TANC2: variants seen among roughly 807,000 people sequenced by gnomAD.
TANC2 encodes the protein tetratricopeptide repeat, ankyrin repeat and coiled-coil containing 2.
TANC2 carries 26 observed loss-of-function variants against 210.5 expected under a neutral mutation model. That is an observed-to-expected ratio of 0.12 (90% CI 0.09 to 0.17). The LOEUF (loss-of-function observed/expected upper bound fraction) is 0.17. Ranked by LOEUF, TANC2 falls within the 10% of genes least tolerant of loss-of-function variation. The probability of loss-of-function intolerance (pLI) is 1.00; values close to 1 mark genes in which losing one functional copy is unlikely to be tolerated. For synonymous variants in TANC2, 931 were observed against 967.1 expected (o/e 0.96, Z 0.69); for missense variants, 2,129 against 2,608.9 (o/e 0.82, Z 4.01).
chr17:63,338,940 T>G (rs1195242679), intron 11 of TANC2: 3 of 152,244 alleles, frequency 2.0e-5, no homozygotes, highest in African/African-American at 7.2e-5. Flanking sequence ...GCAGAGCTCT[T>G]TAGTAGATGA....
At chr17:63,194,802 T>C (rs1173642741) in intron 6 of TANC2, among the ~76,000 whole-genome samples, 1 of 152,068 alleles carries the variant, frequency 6.6e-6, no homozygotes, top group East Asian at 1.9e-4. Flanking sequence ...TAAGTATCCG[T>C]CTCAGAAAGT....
chr17:63,264,164 A>G (rs1029015163), intron 8 of TANC2, among the ~76,000 whole-genome samples: 1 of 152,248 alleles, frequency 6.6e-6, no homozygotes, highest in African/African-American at 2.4e-5. Flanking sequence ...CCAGTTCTAC[A>G]AACACATTTT....
intron 8 of TANC2, among the ~76,000 whole-genome samples, chr17:63,261,949 T>C (rs971235159): frequency 6.6e-6 from 1 of 152,220 alleles, no homozygotes; most frequent in Non-Finnish European, 1.5e-5. Flanking sequence ...ACACTATCCA[T>C]CTCTGGCTAT....
At chr17:63,013,295 A>G (rs171309) in intron 2 of TANC2, among the ~76,000 whole-genome samples, 8,055 of 151,760 alleles carry the variant, frequency 0.053, 306 homozygotes, top group African/African-American at 0.11. Flanking sequence ...TTCTTTCAGT[A>G]TTTTACAACG....
intron 11 of TANC2, among the ~76,000 whole-genome samples, chr17:63,334,533 CAA>C (rs977862592): frequency 2.4e-4 from 37 of 152,078 alleles, no homozygotes; most frequent in Admixed American, 4.6e-4. Flanking sequence ...TAGAAAGAAA[CAA>C]AGAGGGGAAT....
chr17:63,234,397 A>G (rs2042563724), intron 7 of TANC2, among the ~76,000 whole-genome samples: 1 of 152,208 alleles, frequency 6.6e-6, no homozygotes, highest in South Asian at 2.1e-4. Context: ...TATCATTGGT[A>G]ACAATATTTT....
Position 63,290,436 on chromosome 17 carries a change from A to G in TANC2, c.1159+22563A>G, listed in dbSNP as rs556004357. ...CCTCTTATGGATCCTGGAATTGTTGAATTTTTAGTCTGTTCAGGTTTTTAC... is the reference window on the plus strand; with the variant it reads ...CCTCTTATGGATCCTGGAATTGTTGGATTTTTAGTCTGTTCAGGTTTTTAC... On this transcript the variant is annotated intron_variant, in intron 9 of 27. Transcript: ENST00000689528. 7.8e-4 allele frequency among the ~76,000 whole-genome samples: 118 copies of G among 152,064 alleles called. 2 individuals are homozygous for G. The highest frequency in any genetic ancestry group is 2.7e-3 in the African/African-American group (111 of 41,458).
intron 14 of TANC2, among the ~76,000 whole-genome samples, chr17:63,366,620 T>C (rs1230598775): frequency 2.0e-5 from 3 of 152,204 alleles, no homozygotes; most frequent in African/African-American, 7.2e-5. Context: ...AGTAGGAAGA[T>C]GTGAGGCAAA....
At chr17:63,041,245 C>T (rs1328096420) in intron 2 of TANC2, among the ~76,000 whole-genome samples, 1 of 151,992 alleles carries the variant, frequency 6.6e-6, no homozygotes, top group Non-Finnish European at 1.5e-5. Flanking sequence ...TATCGAATAA[C>T]ACAAAAGAGT....
At chr17:63,164,559 T>A (rs1283372401) in intron 5 of TANC2, among the ~76,000 whole-genome samples, 1 of 152,100 alleles carries the variant, frequency 6.6e-6, no homozygotes, top group Non-Finnish European at 1.5e-5. Flanking sequence ...AAGGCATTTA[T>A]TATGAGGGAT....
intron 9 of TANC2, among the ~76,000 whole-genome samples, chr17:63,304,791 T>G (rs916748839): frequency 6.6e-6 from 1 of 152,072 alleles, no homozygotes; most frequent in African/African-American, 2.4e-5. Flanking sequence ...CTGGAGTTGT[T>G]GGAGTTCCTG....
chr17:63,114,537 A>G (rs757156878), intron 4 of TANC2, among the ~76,000 whole-genome samples: 1 of 152,212 alleles, frequency 6.6e-6, no homozygotes, highest in Non-Finnish European at 1.5e-5. Flanking sequence ...CATTGCTAGG[A>G]AAGACACAAC....
intron 16 of TANC2, 36 bp downstream of exon 16, chr17:63,388,793 A>G (rs1456618513): frequency 3.5e-6 from 5 of 1,435,004 alleles, no homozygotes; most frequent in South Asian, 1.5e-5. Flanking sequence ...ATGATAAGGA[A>G]TTAACTATGA....
intron 3 of TANC2, among the ~76,000 whole-genome samples, chr17:63,075,287 C>CT (rs1418463702): frequency 1.3e-5 from 2 of 151,944 alleles, no homozygotes; most frequent in Admixed American, 6.5e-5. Flanking sequence ...AATCACTTAT[C>CT]TAATTTACTC....
At chr17:63,238,295 C>T (rs2042678652) in intron 8 of TANC2, among the ~76,000 whole-genome samples, 1 of 152,006 alleles carries the variant, frequency 6.6e-6, no homozygotes, top group Non-Finnish European at 1.5e-5. Context: ...TAGTTCTGCT[C>T]CCAAAATGTA....
chr17:63,272,015 A>G (rs1323021950), intron 9 of TANC2, among the ~76,000 whole-genome samples: 1 of 151,918 alleles, frequency 6.6e-6, no homozygotes, highest in African/African-American at 2.4e-5. Flanking sequence ...TCATCATGAA[A>G]TCTTTAAATC....
chr17:63,008,299 A>G (rs1271055969), intron 1 of TANC2, among the ~76,000 whole-genome samples: 1 of 152,084 alleles, frequency 6.6e-6, no homozygotes, highest in East Asian at 1.9e-4. Flanking sequence ...GCTCTTATGA[A>G]ATTTCAGTTA....
Position 63,130,507 on chromosome 17 carries a change from A to G in TANC2, c.323-20763A>G, listed in dbSNP as rs2038879256. On this transcript the variant is annotated intron_variant, in intron 4 of 27. Transcript: ENST00000689528. Reference sequence around the variant, plus strand: ...AGCCTCGGTGACAGAGTGAGACTCCATCTCACAAAAAAAAAAAAAAGATTT... The same window carrying G: ...AGCCTCGGTGACAGAGTGAGACTCCGTCTCACAAAAAAAAAAAAAAGATTT... Among the ~76,000 whole-genome samples the G allele has an allele frequency of 2.0e-5, 3 of 151,192 alleles. No individual in the cohort carries two copies. The South Asian group carries it at 6.3e-4, about 32-fold the overall frequency.
chr17:63,325,588 G>A (rs1165064981), intron 11 of TANC2, among the ~76,000 whole-genome samples: 2 of 152,138 alleles, frequency 1.3e-5, no homozygotes, highest in African/African-American at 4.8e-5. Flanking sequence ...AAACTGTGGA[G>A]GGCAGACAGG....
Sources: allele counts gnomAD v4.1 joint callset (sites outside exome capture counted in the v4.1 genomes callset), GRCh38; gene constraint gnomAD v4.1.1; transcripts MANE v1.5; gene names NCBI Gene and HGNC (gene_info 2026-07-23, HGNC 2026-07-21).